The following ALDH1A3 variants were observed in gnomAD, a reference collection of about 807,000 sequenced individuals.
ALDH1A3 encodes retinaldehyde dehydrogenase 3.
ALDH1A3 carries 28 observed loss-of-function variants against 57.5 expected under a neutral mutation model. The ratio of observed to expected loss-of-function variants is 0.49; its 90% CI spans 0.36 to 0.67. The LOEUF is 0.67. Ranked by LOEUF, ALDH1A3 falls within the 30% of genes least tolerant of loss-of-function variation. The pLI is 0.00. For missense variants in ALDH1A3, 507 were observed against 669.4 expected (o/e 0.76, Z 2.68); for synonymous variants, 281 against 264.8 (o/e 1.06, Z -0.59).
chr15:100,895,894 G>A, intron 6 of ALDH1A3, 39 bp from the exon 7 acceptor site: 1 of 1,538,814 alleles, frequency 6.5e-7, no homozygotes, highest in Middle Eastern at 1.7e-4. Context: ...GGTGGATGAA[G>A]TCCGTTCTTC....
At chr15:100,896,435 A>G (rs1567170789) in intron 7 of ALDH1A3, among the ~76,000 whole-genome samples, 1 of 152,232 alleles carries the variant, frequency 6.6e-6, no homozygotes, top group Non-Finnish European at 1.5e-5. Flanking sequence ...AACCAAACTG[A>G]ATGGTAGAAA....
chr15:100,885,822 C>T lies in ALDH1A3; in HGVS notation c.204+451C>T, dbSNP rs140097678. 4.4e-3 allele frequency among the ~76,000 whole-genome samples: 667 copies of T among 152,162 alleles called. 5 individuals carry two copies. Among genetic ancestry groups the T allele is most frequent in the African/African-American group, 0.015 (637 of 41,486 alleles). Reference sequence around the variant, plus strand: ...AAAAATAGTTGCTACCCGGGTGATGCGGGGATAGTTAACAATGTAACCACC... The same window carrying T: ...AAAAATAGTTGCTACCCGGGTGATGTGGGGATAGTTAACAATGTAACCACC... On this transcript the variant is annotated intron_variant, in intron 2 of 12. Transcript: ENST00000329841.
Position 100,893,078 on chromosome 15 carries a change from A to T in ALDH1A3, c.537+72A>T. ...CACTGCCCTGTGTCCTTTGGAATCA[A>T]TTTCTGGTGTGTTTTTATCTGATTG... On this transcript the variant is annotated intron_variant, in intron 5 of 12. Transcript: ENST00000329841. This position sits in a 1 kb window ranked among gnomAD's most constrained non-coding sequence, Gnocchi z 4.8. 1 of 1,394,810 alleles carries T rather than the reference A, an allele frequency of 7.2e-7. No individual in the cohort carries two copies. The highest frequency in any genetic ancestry group is 1.2e-5 in the South Asian group (1 of 80,022). 86.4% of individuals were successfully genotyped at this position (1,394,810 alleles called of 1,614,324 possible).
intron 3 of ALDH1A3, among the ~76,000 whole-genome samples, chr15:100,891,561 G>A (rs1014782787): frequency 6.6e-6 from 1 of 152,258 alleles, no homozygotes; most frequent in Non-Finnish European, 1.5e-5. Context: ...GCACCTTGAA[G>A]TGGGAATGCA....
intron 8 of ALDH1A3, among the ~76,000 whole-genome samples, chr15:100,898,935 C>T (rs900616063): frequency 1.3e-5 from 2 of 152,216 alleles, no homozygotes; most frequent in African/African-American, 2.4e-5. Flanking sequence ...AACACCTTTG[C>T]CTTAAAGAAT....
At position 100,893,906 on chromosome 15, in the gene ALDH1A3, G is replaced by T. The variant is rs747367233; in HGVS notation, c.538-48G>T. On this transcript the variant is annotated intron_variant, in intron 5 of 12. Transcript: ENST00000329841. This position sits in a 1 kb window ranked among gnomAD's most constrained non-coding sequence, Gnocchi z 4.8. ...AGGCATCGTTGAGCACATGGGACAGGGTAAGAGGGTGGATCTGGGCCTCCA... is the reference window on the plus strand; with the variant it reads ...AGGCATCGTTGAGCACATGGGACAGTGTAAGAGGGTGGATCTGGGCCTCCA... 7 of 1,604,340 alleles carry T rather than the reference G, an allele frequency of 4.4e-6. No individual in the cohort carries two copies. The highest frequency in any genetic ancestry group is 6.0e-6 in the Non-Finnish European group (7 of 1,175,710).
intron 3 of ALDH1A3, 88 bp from the exon 4 acceptor site, chr15:100,892,422 T>C (rs943614464): frequency 5.1e-6 from 8 of 1,581,682 alleles, no homozygotes; most frequent in Non-Finnish European, 6.9e-6. Flanking sequence ...TAGGACTGTG[T>C]TCTCTCCCCA....
Position 100,915,790 on chromosome 15 carries a change from TC to T in ALDH1A3, c.*1019del, listed in dbSNP as rs759093388. Reference sequence around the variant, plus strand: ...ATAACACAGCCTTGTTATTTTTAAGTCCTATTTTGATATTAATTTCTGATTA... The same window carrying T: ...ATAACACAGCCTTGTTATTTTTAAGTCTATTTTGATATTAATTTCTGATTA... On this transcript the variant is annotated 3_prime_UTR_variant, in exon 13 of 13. Transcript: ENST00000329841. The T allele has an allele frequency of 1.3e-5, 2 of 152,224 alleles. No homozygotes were observed. Among genetic ancestry groups the T allele is most frequent in the East Asian group, 1.9e-4 (1 of 5,198 alleles). The allele number at this position is 152,224 out of a possible 1,614,324, so 9.4% of individuals were successfully genotyped here. A position where few individuals can be genotyped will look rare whatever the true frequency, so the allele number is the denominator to read the frequency against.
intron 9 of ALDH1A3, among the ~76,000 whole-genome samples, chr15:100,900,972 G>A (rs2041761804): frequency 6.6e-6 from 1 of 152,218 alleles, no homozygotes; most frequent in Non-Finnish European, 1.5e-5. Flanking sequence ...AGGCATGGGA[G>A]GAGGGCGCTA....
rs1596129599 is a variant in ALDH1A3, at chr15:100,900,655, G to A, written c.964G>A (p.Val322Met). ...QCCTAASRVF[V>M]EEQVYSEFVR... ...TTGCACGGCAGCCTCCAGGGTGTTCGTGGAGGAGCAGGTCTACTCTGAGTT... is the reference window on the plus strand; with the variant it reads ...TTGCACGGCAGCCTCCAGGGTGTTCATGGAGGAGCAGGTCTACTCTGAGTT... Residue 322 changes from valine (V) to methionine (M), a missense_variant, in exon 9 of 13, where the codon GTG becomes ATG. Coordinates refer to ENST00000329841, the MANE Select transcript of ALDH1A3 (RefSeq NM_000693.4). 2.5e-6 allele frequency: 4 copies of A among 1,613,848 alleles called. No homozygotes were observed. The highest frequency in any genetic ancestry group is 3.4e-6 in the Non-Finnish European group (4 of 1,179,922).
chr15:100,895,629 T>C, intron 6 of ALDH1A3: 2 of 404,646 alleles, frequency 4.9e-6, no homozygotes, highest in Non-Finnish European at 9.2e-6. Context: ...AGGCGGGCCA[T>C]GGCCACCTTG....
chr15:100,899,383 T>C (rs2041743726), intron 8 of ALDH1A3, among the ~76,000 whole-genome samples: 1 of 152,210 alleles, frequency 6.6e-6, no homozygotes, highest in African/African-American at 2.4e-5. Context: ...CTGAAGTTCA[T>C]CTTCCTCCTC....
In ALDH1A3 at chr15:100,898,091, A is replaced by T. The variant is rs1383412781; in HGVS notation, c.789A>T (p.Lys263Asn). The T allele has an allele frequency of 6.2e-7, 1 of 1,613,948 alleles. No homozygotes were observed. The highest frequency in any genetic ancestry group is 2.2e-5 in the East Asian group (1 of 44,886). ...IAFTGSTEVG[K>N]LVKEAASRSN... ...TGTGTTCTGTCCTGGAGGTTGGAAA[A>T]CTGGTTAAAGAAGCTGCGTCCCGGA... is the stretch of plus-strand genomic sequence containing the variant. The change falls in exon 8 of 13, where the codon AAA becomes AAT. Residue 263 changes from lysine (K) to asparagine (N), a missense_variant. This residue lies in a region of ALDH1A3 where 432 missense variants were observed against 608.4 expected (regional missense o/e 0.71). Coordinates refer to ENST00000329841, the MANE Select transcript of ALDH1A3 (RefSeq NM_000693.4).
intron 1 of ALDH1A3, among the ~76,000 whole-genome samples, chr15:100,882,959 G>T (rs2041560052): frequency 6.6e-6 from 1 of 152,206 alleles, no homozygotes; most frequent in Non-Finnish European, 1.5e-5. Flanking sequence ...TAAAAACATA[G>T]TGATGGGAAA....
At chr15:100,903,174 G>T (rs2041788265) in intron 9 of ALDH1A3, among the ~76,000 whole-genome samples, 1 of 147,746 alleles carries the variant, frequency 6.8e-6, no homozygotes, top group Non-Finnish European at 1.5e-5. Context: ...TGTACACCTG[G>T]TTCTTACCCT....
chr15:100,900,664 C>G lies in ALDH1A3; in HGVS notation c.973C>G (p.Gln325Glu), dbSNP rs1441057852. Residue 325 changes from glutamine (Q) to glutamate (E), a missense_variant, in exon 9 of 13, where the codon CAG (glutamine) becomes GAG (glutamate). This residue lies in a region of ALDH1A3 where 432 missense variants were observed against 608.4 expected (regional missense o/e 0.71). Coordinates refer to ENST00000329841, the MANE Select transcript of ALDH1A3 (RefSeq NM_000693.4). Reference sequence around the variant, plus strand: ...AGCCTCCAGGGTGTTCGTGGAGGAGCAGGTCTACTCTGAGTTTGTCAGGCG... The same window carrying G: ...AGCCTCCAGGGTGTTCGTGGAGGAGGAGGTCTACTCTGAGTTTGTCAGGCG... Reference protein sequence around the residue: ...TAASRVFVEEQVYSEFVRRSV... With the variant: ...TAASRVFVEEEVYSEFVRRSV... 1.2e-6 allele frequency: 2 copies of G among 1,613,912 alleles called. No homozygotes were observed. Among genetic ancestry groups the G allele is most frequent in the Non-Finnish European group, 1.7e-6 (2 of 1,179,996 alleles).
In ALDH1A3 at chr15:100,908,464, C is replaced by T; in HGVS notation, c.1448C>T (p.Ser483Leu). 1 of 1,613,072 alleles carries T rather than the reference C, an allele frequency of 6.2e-7. No homozygotes were observed. The highest frequency in any genetic ancestry group is 8.5e-7 in the Non-Finnish European group (1 of 1,179,036). ...AQAPFGGFKM[S>L]GNGRELGEYA... The stretch of plus-strand genomic sequence containing the variant: ...GCTCCATTTGGTGGCTTTAAAATGT[C>T]AGGAAATGGCAGAGAACTGTAAGTG... The change falls in exon 12 of 13, where the codon TCA (serine) becomes TTA (leucine). Residue 483 changes from serine (S) to leucine (L), a missense_variant. Physicochemically the swap from Ser to Leu is moderately radical, Grantham distance 145 (BLOSUM62 -2). Coordinates refer to ENST00000329841, the MANE Select transcript of ALDH1A3 (RefSeq NM_000693.4).
At chr15:100,910,856 C>T (rs1452700163) in intron 12 of ALDH1A3, among the ~76,000 whole-genome samples, 2 of 152,222 alleles carry the variant, frequency 1.3e-5, no homozygotes, top group African/African-American at 4.8e-5. Context: ...TGTCCCTGGG[C>T]GTAGAAGCTG....
intron 3 of ALDH1A3, among the ~76,000 whole-genome samples, chr15:100,891,639 G>A (rs2041651163): frequency 6.6e-6 from 1 of 152,228 alleles, no homozygotes; most frequent in Non-Finnish European, 1.5e-5. Flanking sequence ...CTGAGGAGGG[G>A]CCTTCTTCCT....
Sources: allele counts gnomAD v4.1 joint callset (sites outside exome capture counted in the v4.1 genomes callset), GRCh38; gene constraint gnomAD v4.1.1; regional missense constraint gnomAD v4.1.1; non-coding constraint Gnocchi (gnomAD v3.1); transcripts MANE v1.5; gene names NCBI Gene and HGNC (gene_info 2026-07-23, HGNC 2026-07-21).